The following EOGT variants were observed in gnomAD, a reference collection of about 807,000 sequenced individuals.
EOGT encodes EGF domain specific O-linked N-acetylglucosamine transferase.
Under a neutral mutation model 70.5 loss-of-function variants are expected in EOGT, and 55 were observed. The observed-to-expected ratio is 0.78, with a 90% CI of 0.63 to 0.98. The LOEUF is 0.98. EOGT is among the 50% of genes least tolerant of loss of function. The pLI is 0.00. For synonymous variants in EOGT, 246 were observed against 217.1 expected (o/e 1.13, Z -1.17); for missense variants, 703 against 641.9 (o/e 1.10, Z -1.03).
intron 6 of EOGT, among the ~76,000 whole-genome samples, chr3:69,006,447 A>C (rs1283747303): frequency 6.6e-6 from 1 of 152,182 alleles, no homozygotes; most frequent in African/African-American, 2.4e-5. Flanking sequence ...GTGGTTGGAG[A>C]TCGGAGACCC....
At chr3:68,987,880 T>C (rs999552485) in intron 13 of EOGT, 4 of 331,490 alleles carry the variant, frequency 1.2e-5, no homozygotes, top group African/African-American at 2.1e-5. Context: ...TTATAGGTTT[T>C]TGACACCTGG....
intron 16 of EOGT, 142 bp from the exon 17 acceptor site, chr3:68,978,577 C>A: frequency 1.7e-6 from 1 of 572,398 alleles, no homozygotes; most frequent in South Asian, 2.5e-5. Flanking sequence ...GTAAACAAGA[C>A]TGAGGAAGAG....
intron 7 of EOGT, among the ~76,000 whole-genome samples, chr3:69,004,829 T>A (rs2091396589): frequency 6.6e-6 from 1 of 152,114 alleles, no homozygotes; most frequent in Non-Finnish European, 1.5e-5. Context: ...TTTGGGAGGC[T>A]GAGGTGAGAG....
At chr3:68,994,721 G>C (rs1360073609) in intron 10 of EOGT, among the ~76,000 whole-genome samples, 1 of 152,182 alleles carries the variant, frequency 6.6e-6, no homozygotes, top group Non-Finnish European at 1.5e-5. Flanking sequence ...AACCTGGGAA[G>C]CGGAAGTTGC....
At chr3:69,003,732 G>A (rs1226523375) in intron 8 of EOGT, among the ~76,000 whole-genome samples, 1 of 152,204 alleles carries the variant, frequency 6.6e-6, no homozygotes, top group Non-Finnish European at 1.5e-5. Flanking sequence ...TGGAGAGGGG[G>A]ATGGGGGTAG....
chr3:68,993,062 G>A lies in EOGT; in HGVS notation c.832-4045C>T, dbSNP rs116601564. ...TCCAGGCCTGTGATGGGAAGCGGCC[G>A]CCATGAAGGTTTCTGACATGCCTTG... On this transcript the variant is annotated intron_variant, in intron 10 of 17. Transcript: ENST00000383701. Among the ~76,000 whole-genome samples, 1,482 of 152,294 alleles carry A rather than the reference G, an allele frequency of 9.7e-3. 18 individuals carry two copies. The highest frequency in any genetic ancestry group is 0.033 in the African/African-American group (1,372 of 41,570).
At chr3:69,009,147 T>C (rs528549112) in intron 4 of EOGT, among the ~76,000 whole-genome samples, 39 of 152,342 alleles carry the variant, frequency 2.6e-4, no homozygotes, top group African/African-American at 9.1e-4. Context: ...AGCTTTGATC[T>C]CTGGGGCCCT....
intron 8 of EOGT, among the ~76,000 whole-genome samples, chr3:69,003,732 G>T (rs1226523375): frequency 6.6e-6 from 1 of 152,204 alleles, no homozygotes; most frequent in Non-Finnish European, 1.5e-5. Flanking sequence ...TGGAGAGGGG[G>T]ATGGGGGTAG....
chr3:68,998,145 A>G, intron 9 of EOGT, 31 bp from the exon 10 acceptor site: 1 of 1,177,234 alleles, frequency 8.5e-7, no homozygotes, highest in Middle Eastern at 1.9e-4. Flanking sequence ...TACATTAATT[A>G]ACACCAAAGA....
At chr3:69,007,585 G>A (rs556514308) in intron 6 of EOGT, 128 bp downstream of exon 6, 4 of 397,828 alleles carry the variant, frequency 1.0e-5, no homozygotes, top group African/African-American at 6.7e-5. Flanking sequence ...CTGGGAGGCA[G>A]AGGTTGCAGT....
intron 14 of EOGT, among the ~76,000 whole-genome samples, chr3:68,984,579 A>G (rs1199205443): frequency 3.3e-5 from 5 of 152,182 alleles, no homozygotes; most frequent in African/African-American, 1.2e-4. Flanking sequence ...TAATCAAAGT[A>G]TAGCCAAAGG....
At chr3:68,997,432 G>C (rs956912708) in intron 10 of EOGT, among the ~76,000 whole-genome samples, 2 of 150,612 alleles carry the variant, frequency 1.3e-5, no homozygotes, top group African/African-American at 2.4e-5. Flanking sequence ...GCAGTGGCAC[G>C]ATCTCGGCTC....
At position 68,979,771 on chromosome 3, in the gene EOGT, C is replaced by G; in HGVS notation, c.1231G>C (p.Asp411His). 6 of 1,613,392 alleles carry G rather than the reference C, an allele frequency of 3.7e-6. No homozygotes were observed. The highest frequency in any genetic ancestry group is 5.1e-6 in the Non-Finnish European group (6 of 1,179,572). ...GTGTTGTGTGTGATCCTTAGTTGAT[C>G]TAAAAACCCAAGTTCTCTGTGAACA... Reference protein sequence around the residue: ...DYKYRELGFLDQLRITHNTDI... With the variant: ...DYKYRELGFLHQLRITHNTDI... The change falls in exon 16 of 18, where the codon GAT becomes CAT. Residue 411 changes from aspartate (D) to histidine (H), a missense_variant. Transcript: ENST00000383701.
chr3:69,006,075 C>T (rs1043837801), intron 6 of EOGT, among the ~76,000 whole-genome samples: 1 of 152,138 alleles, frequency 6.6e-6, no homozygotes, highest in Admixed American at 6.5e-5. Context: ...TTTGTTATAA[C>T]AGCCCAAACA....
chr3:68,983,597 A>G (rs954084562), intron 14 of EOGT, among the ~76,000 whole-genome samples: 4 of 152,228 alleles, frequency 2.6e-5, no homozygotes, highest in African/African-American at 9.6e-5. Flanking sequence ...TGCAAGTATC[A>G]TTGATGGGGC....
chr3:68,983,977 A>C lies in EOGT; in HGVS notation c.1153-1105T>G, dbSNP rs879575931. The stretch of plus-strand genomic sequence containing the variant: ...AAACTCTGTCTAAAAAAAGAAAAAA[A>C]CATACCAAATATCATACCAAGTAAG... On this transcript the variant is annotated intron_variant, in intron 14 of 17. Coordinates refer to ENST00000383701, the MANE Select transcript of EOGT (RefSeq NM_001278689.2). Among the ~76,000 whole-genome samples the C allele has an allele frequency of 2.4e-3, 366 of 152,336 alleles. 2 individuals are homozygous for C. The highest frequency in any genetic ancestry group is 6.4e-3 in the South Asian group (31 of 4,828).
intron 7 of EOGT, among the ~76,000 whole-genome samples, chr3:69,004,839 G>C (rs945972142): frequency 2.0e-5 from 3 of 152,102 alleles, no homozygotes; most frequent in African/African-American, 7.2e-5. Context: ...TGAGGTGAGA[G>C]GATCACCTGA....
chr3:68,988,288 C>A lies in EOGT; in HGVS notation c.1083+7G>T. 1 of 1,529,168 alleles carries A rather than the reference C, an allele frequency of 6.5e-7. No homozygotes were observed. Among genetic ancestry groups the A allele is most frequent in the Non-Finnish European group, 8.8e-7 (1 of 1,140,778 alleles). 94.7% of individuals were successfully genotyped at this position (1,529,168 alleles called of 1,614,324 possible). Reference sequence around the variant, plus strand: ...GCCCACCTCAGAATCCGCAGTGTATCCATTACCTTAGGTCCTTCTTGTGTG... The same window carrying A: ...GCCCACCTCAGAATCCGCAGTGTATACATTACCTTAGGTCCTTCTTGTGTG... On this transcript the variant is annotated splice_region_variant and intron_variant, in intron 13 of 17. Transcript: ENST00000383701.
intron 6 of EOGT, 138 bp from the exon 7 acceptor site, chr3:69,005,372 C>T (rs1356522298): frequency 9.5e-6 from 5 of 527,942 alleles, no homozygotes; most frequent in Non-Finnish European, 1.7e-5. Flanking sequence ...TCTCCAAAGA[C>T]TGCATCTGCT....
Sources: gnomAD v4.1 joint callset for allele counts (sites outside exome capture counted in the v4.1 genomes callset) on GRCh38, gnomAD v4.1.1 for gene constraint, MANE v1.5 for transcripts, NCBI Gene and HGNC (gene_info 2026-07-23, HGNC 2026-07-21) for gene names.